The following TMEM87B variants were observed in gnomAD, a reference collection of about 807,000 sequenced individuals.
TMEM87B encodes transmembrane protein 87B.
In TMEM87B, 83 loss-of-function variants were observed where a neutral mutation model predicts 80.3. The observed-to-expected ratio is 1.03, with a 90% CI of 0.87 to 1.24. TMEM87B has a LOEUF of 1.24. Ranked by LOEUF, TMEM87B falls within the 50% of genes most tolerant of loss-of-function variation. The pLI is 0.00. For synonymous variants in TMEM87B, 219 were observed against 230.5 expected, an observed-to-expected ratio of 0.95 and a Z score of 0.45; for missense variants, 625 against 674.4, an observed-to-expected ratio of 0.93 and a Z score of 0.81.
chr2:112,088,769 GT>G (rs894892248), intron 9 of TMEM87B, among the ~76,000 whole-genome samples: 2 of 151,902 alleles, frequency 1.3e-5, no homozygotes, highest in African/African-American at 4.8e-5. Flanking sequence ...TGTTGTTTTT[GT>G]TTTTTTGGAG....
rs766588397 is a variant in TMEM87B, at chr2:112,086,027, G to A, written c.861G>A (p.Ala287=). Residue 287 remains alanine, a synonymous_variant, in exon 9 of 19, where the codon GCG becomes GCA. Coordinates refer to ENST00000283206, the MANE Select transcript of TMEM87B (RefSeq NM_032824.3). ...CAGCCCAAGGCTTATTGATATTTGC[G>A]GAGTTGATTTCTGCGATTAAGAGGA... ...GLSTQGLLIF[A]ELISAIKRTL... 42 of 1,613,974 alleles carry A rather than the reference G, an allele frequency of 2.6e-5. No homozygotes were observed. The highest frequency in any genetic ancestry group is 1.6e-4 in the Middle Eastern group (1 of 6,084).
chr2:112,058,430 G>A (rs1678148598), intron 1 of TMEM87B, among the ~76,000 whole-genome samples: 1 of 152,226 alleles, frequency 6.6e-6, no homozygotes, highest in South Asian at 2.1e-4. Context: ...CCATTCTGAA[G>A]AGGGCAGCTG....
chr2:112,055,873 CT>C, intron 1 of TMEM87B, 117 bp downstream of exon 1: 1 of 1,275,742 alleles, frequency 7.8e-7, no homozygotes, highest in Non-Finnish European at 1.0e-6. Flanking sequence ...ACCGGGTCCC[CT>C]GATACCCTCC....
intron 4 of TMEM87B, among the ~76,000 whole-genome samples, chr2:112,072,943 A>G (rs1253304123): frequency 1.6e-5 from 2 of 121,968 alleles, no homozygotes; most frequent in Non-Finnish European, 3.2e-5. Flanking sequence ...TCTGTTGCCC[A>G]GGCTGGAGGG....
intron 2 of TMEM87B, among the ~76,000 whole-genome samples, chr2:112,063,895 G>A (rs2104456181): frequency 6.6e-6 from 1 of 152,294 alleles, no homozygotes; most frequent in East Asian, 1.9e-4. Context: ...AGTGAAATAA[G>A]CAGTGACTTA....
At chr2:112,061,256 C>G (rs1258694903) in intron 2 of TMEM87B, among the ~76,000 whole-genome samples, 3 of 152,258 alleles carry the variant, frequency 2.0e-5, no homozygotes, top group Middle Eastern at 3.4e-3. Flanking sequence ...CTTATTGTTT[C>G]CAGTAACCTA....
chr2:112,089,001 T>A (rs778152387), intron 9 of TMEM87B, among the ~76,000 whole-genome samples: 3 of 152,198 alleles, frequency 2.0e-5, no homozygotes, highest in Non-Finnish European at 4.4e-5. Flanking sequence ...GCTCAAGTAA[T>A]GTGCGTACCT....
chr2:112,077,370 A>G (rs1678858302), intron 6 of TMEM87B, 88 bp downstream of exon 6: 1 of 560,312 alleles, frequency 1.8e-6, no homozygotes. Flanking sequence ...TCTCTGTTTC[A>G]AATACATCAT....
At chr2:112,099,555 T>TATATATATATATATATATACAC (rs1019425429) in intron 14 of TMEM87B, among the ~76,000 whole-genome samples, 3 of 73,552 alleles carry the variant, frequency 4.1e-5, no homozygotes, top group African/African-American at 1.5e-4. Flanking sequence ...TATATATATA[T>TATATATATATATATATATACAC]ACACACACAC....
intron 4 of TMEM87B, among the ~76,000 whole-genome samples, chr2:112,068,897 C>T (rs530010665): frequency 2.0e-5 from 3 of 151,978 alleles, no homozygotes; most frequent in South Asian, 2.1e-4. Flanking sequence ...TTTGTTATAT[C>T]GTAAACTCAT....
At chr2:112,089,521 A>G in intron 9 of TMEM87B, 104 bp from the exon 10 acceptor site, 1 of 1,004,442 alleles carries the variant, frequency 1.0e-6, no homozygotes, top group Non-Finnish European at 1.6e-6. Flanking sequence ...ATGTGATTAG[A>G]TAGTGACTTC....
In TMEM87B at chr2:112,112,539, A is replaced by G. The variant is rs139529571; in HGVS notation, c.1578-360A>G. ...CCATTTCCTATTTCCCTTTCACATC[A>G]GGAGCCCACTTTCCCAAAGGTCCTG... On this transcript the variant is annotated intron_variant, in intron 17 of 18. Transcript: ENST00000283206. Among the ~76,000 whole-genome samples the G allele has an allele frequency of 8.5e-3, 1,290 of 152,350 alleles. 26 individuals carry two copies. The highest frequency in any genetic ancestry group is 0.029 in the African/African-American group (1,221 of 41,580).
At chr2:112,110,378 A>G (rs1679878931) in intron 17 of TMEM87B, among the ~76,000 whole-genome samples, 1 of 151,342 alleles carries the variant, frequency 6.6e-6, no homozygotes, top group African/African-American at 2.4e-5. Context: ...GTTTTTATCT[A>G]CTTCTGCTCT....
intron 11 of TMEM87B, among the ~76,000 whole-genome samples, chr2:112,092,124 G>A (rs528640962): frequency 1.3e-5 from 2 of 152,246 alleles, no homozygotes; most frequent in Admixed American, 1.3e-4. Flanking sequence ...TCTTAGAGAG[G>A]TGCTGTGCCA....
rs1310244584 is a variant in TMEM87B, at chr2:112,068,548, C to CA, written c.450+1487dup. ...TGAAACCTCGTCTCTACTAAAAATA[C>CA]AAAAAATTAGCCGAGCGTGGTGGCG... On this transcript the variant is annotated intron_variant, in intron 4 of 18. Coordinates refer to ENST00000283206, the MANE Select transcript of TMEM87B (RefSeq NM_032824.3). 2.6e-5 allele frequency among the ~76,000 whole-genome samples: 4 copies of CA among 151,860 alleles called. No homozygotes were observed. The East Asian group carries it at 7.9e-4, about 30-fold the overall frequency.
Position 112,055,472 on chromosome 2 carries a change from C to G in TMEM87B, c.-120C>G. The G allele has an allele frequency of 8.2e-7, 1 of 1,212,256 alleles. No individual in the cohort carries two copies. The highest frequency in any genetic ancestry group is 1.1e-6 in the Non-Finnish European group (1 of 921,022). The allele number at this position is 1,212,256 out of a possible 1,614,324, so 75.1% of individuals were successfully genotyped here. A position where few individuals can be genotyped will look rare whatever the true frequency, so the allele number is the denominator to read the frequency against. On this transcript the variant is annotated 5_prime_UTR_variant, in exon 1 of 19. Coordinates refer to ENST00000283206, the MANE Select transcript of TMEM87B (RefSeq NM_032824.3). ...CGCCCAGGCCCAAGCGCGAGCCCCT[C>G]CTCCACACCCGAGTCCGAGCCCCGC...
chr2:112,068,121 GGAGAATCACTTGAACCCGGGAGGCA>G (rs1284972574), intron 4 of TMEM87B, among the ~76,000 whole-genome samples: 1 of 152,170 alleles, frequency 6.6e-6, no homozygotes, highest in Non-Finnish European at 1.5e-5. Flanking sequence ...GGTTGAGGCA[GGAGAATCACTTGAACCCGGGAGGCA>G]GAGGTTGCAG....
intron 5 of TMEM87B, among the ~76,000 whole-genome samples, chr2:112,075,427 T>C (rs959190767): frequency 5.9e-5 from 9 of 152,162 alleles, no homozygotes; most frequent in Admixed American, 5.9e-4. Context: ...TATATGTCTA[T>C]ATGAATTTTG....
chr2:112,077,038 C>CAAAA (rs35044756), intron 5 of TMEM87B, among the ~76,000 whole-genome samples, 154 bp from the exon 6 acceptor site: 1 of 85,364 alleles, frequency 1.2e-5, no homozygotes, highest in African/African-American at 4.0e-5. Flanking sequence ...ACCCCCATCT[C>CAAAA]AAAAAAAAAA....
Sources: gnomAD v4.1 joint callset for allele counts (sites outside exome capture counted in the v4.1 genomes callset) on GRCh38, gnomAD v4.1.1 for gene constraint, MANE v1.5 for transcripts, NCBI Gene and HGNC (gene_info 2026-07-23, HGNC 2026-07-21) for gene names.